The following ATP8A2 variants were observed in gnomAD, a reference collection of about 807,000 sequenced individuals.
ATP8A2 encodes phospholipid-transporting ATPase IB.
In ATP8A2, 100 loss-of-function variants were observed where a neutral mutation model predicts 165.6. The observed-to-expected ratio is 0.60, with a 90% CI of 0.51 to 0.71. The LOEUF (loss-of-function observed/expected upper bound fraction) is 0.71, where lower values mean the gene tolerates loss of function less well. Among genes scored for constraint, ATP8A2 ranks in the 30% least tolerant of loss-of-function variants. The pLI is 0.00. For missense variants in ATP8A2, 1,227 were observed against 1,479.5 expected, an observed-to-expected ratio of 0.83 and a Z score of 2.80; for synonymous variants, 543 against 548.8, an observed-to-expected ratio of 0.99 and a Z score of 0.15.
At chr13:25,738,336 CCCCT>C (rs1421330053) in intron 25 of ATP8A2, among the ~76,000 whole-genome samples, 3 of 63,036 alleles carry the variant, frequency 4.8e-5, no homozygotes, top group East Asian at 4.2e-4. Context: ...TTTTTGTGCC[CCCCT>C]CCCCCCCCCC....
rs201376664 is a variant in ATP8A2 at position 25,393,056 on chromosome 13, G to A, written c.76+20768G>A. ...GATTGATAAGCTTTTCTTTCCCTGA[G>A]CCATATTGACACTTTATCTGTACCA... On this transcript the variant is annotated intron_variant, in intron 1 of 36. Coordinates refer to ENST00000381655, the MANE Select transcript of ATP8A2 (RefSeq NM_016529.6). Among the ~76,000 whole-genome samples, 439 of 151,836 alleles carry A rather than the reference G, an allele frequency of 2.9e-3. 7 individuals carry two copies. Among genetic ancestry groups the A allele is most frequent in the African/African-American group, 0.01 (414 of 41,364 alleles).
chr13:25,450,695 C>A (rs1169954048), intron 1 of ATP8A2, among the ~76,000 whole-genome samples: 6 of 152,030 alleles, frequency 3.9e-5, no homozygotes, highest in Non-Finnish European at 8.8e-5. Context: ...CCATGCCCGG[C>A]TAATTTTTTG....
At chr13:25,715,643 C>CT (rs1283862830) in intron 25 of ATP8A2, among the ~76,000 whole-genome samples, 1 of 152,156 alleles carries the variant, frequency 6.6e-6, no homozygotes, top group Non-Finnish European at 1.5e-5. Context: ...CATTTCAATT[C>CT]TTTTTATTGC....
chr13:25,990,282 A>AAG (rs1555301951), intron 35 of ATP8A2, among the ~76,000 whole-genome samples: 2 of 150,434 alleles, frequency 1.3e-5, no homozygotes, highest in Non-Finnish European at 3.0e-5. Context: ...AAAAAAAAAA[A>AAG]GCAAAATTCC....
At chr13:25,736,287 G>A (rs1402679664) in intron 25 of ATP8A2, among the ~76,000 whole-genome samples, 1 of 152,180 alleles carries the variant, frequency 6.6e-6, no homozygotes, top group African/African-American at 2.4e-5. Flanking sequence ...GGCTGGAGAG[G>A]CAGTGGGTTA....
intron 25 of ATP8A2, among the ~76,000 whole-genome samples, chr13:25,732,742 A>G (rs2043678679): frequency 6.6e-6 from 1 of 152,216 alleles, no homozygotes. Flanking sequence ...TCAAAGGGAT[A>G]ACAATTAGGA....
intron 27 of ATP8A2, among the ~76,000 whole-genome samples, chr13:25,783,876 G>A (rs866686925): frequency 2.8e-4 from 42 of 152,164 alleles, no homozygotes; most frequent in African/African-American, 7.5e-4. Flanking sequence ...AGTTAAACAC[G>A]TGCCTAGGAA....
intron 24 of ATP8A2, among the ~76,000 whole-genome samples, chr13:25,628,803 A>T (rs567844779): frequency 6.6e-6 from 1 of 152,348 alleles, no homozygotes; most frequent in African/African-American, 2.4e-5. Context: ...TTTCATCTTA[A>T]CTTGATTACC....
rs113755811 is a variant in ATP8A2 at position 26,022,645 on chromosome 13, G to A, written c.*2660G>A. Reference sequence around the variant, plus strand: ...AGGAGCAGCTGTCACTACGTGTGATGTATAATATTTAGCCAGGGCCAACTC... The same window carrying A: ...AGGAGCAGCTGTCACTACGTGTGATATATAATATTTAGCCAGGGCCAACTC... On this transcript the variant is annotated 3_prime_UTR_variant, in exon 37 of 37. Coordinates refer to ENST00000381655, the MANE Select transcript of ATP8A2 (RefSeq NM_016529.6). 1.8e-4 allele frequency: 28 copies of A among 152,344 alleles called. No individual in the cohort carries two copies. Among genetic ancestry groups the A allele is most frequent in the African/African-American group, 6.3e-4 (26 of 41,576 alleles). 9.4% of individuals were successfully genotyped at this position (152,344 alleles called of 1,614,324 possible).
intron 25 of ATP8A2, among the ~76,000 whole-genome samples, chr13:25,721,495 A>G (rs539239729): frequency 6.6e-6 from 1 of 152,298 alleles, no homozygotes; most frequent in East Asian, 1.9e-4. Flanking sequence ...CAGGTTTAAC[A>G]TTTACATCTT....
rs1054807165 is a variant in ATP8A2 at position 25,953,402 on chromosome 13, G to T, written c.3184-8173G>T. Among the ~76,000 whole-genome samples, 31 of 151,630 alleles carry T rather than the reference G, an allele frequency of 2.0e-4. No individual in the cohort carries two copies. The highest frequency in any genetic ancestry group is 7.3e-4 in the African/African-American group (30 of 41,272). The stretch of plus-strand genomic sequence containing the variant: ...CACAGAGTGACGCACGAAGAAATTT[G>T]AGCTTCCTTCTCCTCACAGGTGAAC... On this transcript the variant is annotated intron_variant, in intron 33 of 36. Transcript: ENST00000381655. The surrounding 1 kb of genome is among the most constrained non-coding windows in gnomAD (Gnocchi z 6.7).
chr13:25,901,220 G>A (rs1254558549), intron 33 of ATP8A2, among the ~76,000 whole-genome samples: 18 of 152,196 alleles, frequency 1.2e-4, no homozygotes, highest in Admixed American at 9.8e-4. Flanking sequence ...TGTACTGGAA[G>A]GGGCCGATGA....
In ATP8A2 at chr13:25,802,298, C is replaced by T. The variant is rs117152035; in HGVS notation, c.2680-25820C>T. On this transcript the variant is annotated intron_variant, in intron 27 of 36. Transcript: ENST00000381655. ...AGGCTCAGTTTCTATACTGGCAACTCCATGGAGAGCTTGAAGACCAGCAGC... is the reference window on the plus strand; with the variant it reads ...AGGCTCAGTTTCTATACTGGCAACTTCATGGAGAGCTTGAAGACCAGCAGC... 4.6e-3 allele frequency among the ~76,000 whole-genome samples: 700 copies of T among 152,194 alleles called. 16 individuals carry two copies. The highest frequency in any genetic ancestry group is 0.036 in the Admixed American group (555 of 15,268).
rs532575374 is a variant in ATP8A2, at chr13:25,735,116, A to G, written c.2385-33930A>G. Among the ~76,000 whole-genome samples the G allele has an allele frequency of 5.9e-5, 9 of 152,322 alleles. No homozygotes were observed. In the East Asian group the frequency reaches 1.5e-3, roughly 26 times the overall value. On this transcript the variant is annotated intron_variant, in intron 25 of 36. Transcript: ENST00000381655. ...TTCCATTCCCCTGTCTTGAGGGTGG[A>G]TACTGGTCTTCTGTTTTGGAAATCT...
At chr13:25,476,571 T>A (rs1289270103) in intron 2 of ATP8A2, among the ~76,000 whole-genome samples, 1 of 152,230 alleles carries the variant, frequency 6.6e-6, no homozygotes, top group Admixed American at 6.5e-5. Context: ...ATTACAGGTA[T>A]GAGCCATGAC....
chr13:25,756,922 G>A (rs2044274722), intron 25 of ATP8A2, among the ~76,000 whole-genome samples: 1 of 152,198 alleles, frequency 6.6e-6, no homozygotes, highest in Non-Finnish European at 1.5e-5. Flanking sequence ...GACCAGGGAG[G>A]GGGTCTGTCT....
chr13:25,817,838 C>T (rs1951070830), intron 27 of ATP8A2, among the ~76,000 whole-genome samples: 1 of 151,992 alleles, frequency 6.6e-6, no homozygotes, highest in Non-Finnish European at 1.5e-5. Context: ...CCACCATGTC[C>T]AGCTAATTTT....
intron 30 of ATP8A2, among the ~76,000 whole-genome samples, chr13:25,846,222 G>C (rs116920892): frequency 6.6e-6 from 1 of 152,138 alleles, no homozygotes; most frequent in South Asian, 2.1e-4. Context: ...TCTATGCCAG[G>C]CTCCTCCTGT....
chr13:25,424,834 T>A (rs903350098), intron 1 of ATP8A2, among the ~76,000 whole-genome samples: 10 of 152,238 alleles, frequency 6.6e-5, no homozygotes, highest in Admixed American at 2.0e-4. Flanking sequence ...GGTGGGCGCC[T>A]GTAGTTCCAG....
Sources: gnomAD v4.1 joint callset for allele counts (sites outside exome capture counted in the v4.1 genomes callset) on GRCh38, gnomAD v4.1.1 for gene constraint, Gnocchi (gnomAD v3.1) non-coding constraint, MANE v1.5 for transcripts, NCBI Gene and HGNC (gene_info 2026-07-23, HGNC 2026-07-21) for gene names.